The following CCDC80 variants were observed in gnomAD, a reference collection of about 807,000 sequenced individuals.
CCDC80 encodes coiled-coil domain-containing protein 80.
In CCDC80, 49 loss-of-function variants were observed where a neutral mutation model predicts 78.7. That is an observed-to-expected ratio of 0.62 (90% confidence interval 0.50 to 0.79). CCDC80 has a LOEUF of 0.79. Ranked by LOEUF, CCDC80 falls within the 30% of genes least tolerant of loss-of-function variation. The pLI is 0.00. For synonymous variants in CCDC80, 488 were observed against 447.0 expected (o/e 1.09, Z -1.16); for missense variants, 1,205 against 1,198.6 (o/e 1.01, Z -0.08).
In CCDC80 at chr3:112,638,231, C is replaced by T. The variant is rs145200206; in HGVS notation, c.1675G>A (p.Ala559Thr). 5 of 1,612,524 alleles carry T rather than the reference C, an allele frequency of 3.1e-6. No individual in the cohort carries two copies. The South Asian group carries it at 3.3e-5, about 11-fold the overall frequency. ...TTTTCACTCTTAAGTAACTTGTCTG[C>T]GTTCTCATTCTTCATCTTTTTTTTC... is the stretch of plus-strand genomic sequence containing the variant. The part of the protein sequence containing the change: ...EKKKKMKNEN[A>T]DKLLKSEKQM... The change falls in exon 2 of 8, where the codon GCA (alanine) becomes ACA (threonine). Residue 559 changes from alanine (A) to threonine (T), a missense_variant. Coordinates refer to ENST00000206423, the MANE Select transcript of CCDC80 (RefSeq NM_199511.3).
chr3:112,633,697 C>T (rs1395713874), intron 2 of CCDC80, among the ~76,000 whole-genome samples: 2 of 152,176 alleles, frequency 1.3e-5, no homozygotes, highest in Non-Finnish European at 2.9e-5. Flanking sequence ...TTAATCTGCT[C>T]CTCAAGTTTG....
chr3:112,600,884 A>G lies in CCDC80; in HGVS notation c.*4533T>C, dbSNP rs566947053. On this transcript the variant is annotated 3_prime_UTR_variant, in exon 8 of 8. Coordinates refer to ENST00000206423, the MANE Select transcript of CCDC80 (RefSeq NM_199511.3). The stretch of plus-strand genomic sequence containing the variant: ...AAATTGTCATCACACAATTTCAGAA[A>G]GGTAAAGAAATCCATTTTTATTGGC... 1 of 152,288 alleles carries G rather than the reference A, an allele frequency of 6.6e-6. No homozygotes were observed. The highest frequency in any genetic ancestry group is 2.4e-5 in the African/African-American group (1 of 41,558). The allele number at this position is 152,288 out of a possible 1,614,324, so 9.4% of individuals were successfully genotyped here.
chr3:112,609,930 G>A, intron 6 of CCDC80, 48 bp downstream of exon 6: 1 of 1,301,224 alleles, frequency 7.7e-7, no homozygotes, highest in Non-Finnish European at 1.1e-6. Context: ...GAATTGACCA[G>A]GAGGAGAGTG....
chr3:112,605,528 T>C lies in CCDC80; in HGVS notation c.2742A>G (p.Pro914=). ...AACCATAGCCTGCATACTCATCTTCTGGGCAGCGCATCCCCAGTGACTGCT... is the reference window on the plus strand; with the variant it reads ...AACCATAGCCTGCATACTCATCTTCCGGGCAGCGCATCCCCAGTGACTGCT... ...AIQQSLGMRC[P]EDEYAGYGYH... is the part of the protein sequence containing the mutation. Residue 914 remains proline (P), a synonymous_variant, in exon 8 of 8, where the codon CCA becomes CCG. Coordinates refer to ENST00000206423, the MANE Select transcript of CCDC80 (RefSeq NM_199511.3). 1 of 1,614,214 alleles carries C rather than the reference T, an allele frequency of 6.2e-7. No homozygotes were observed. The highest frequency in any genetic ancestry group is 8.5e-7 in the Non-Finnish European group (1 of 1,180,038).
Position 112,597,842 on chromosome 3 carries a change from A to T in CCDC80, c.*7575T>A, listed in dbSNP as rs756971322. On this transcript the variant is annotated 3_prime_UTR_variant, in exon 8 of 8. Coordinates refer to ENST00000206423, the MANE Select transcript of CCDC80 (RefSeq NM_199511.3). The stretch of plus-strand genomic sequence containing the variant: ...CCCCCATAAAAACCCATAATTGATG[A>T]TACATATTAGTTTATAATTAACGGC... 2 of 152,180 alleles carry T rather than the reference A, an allele frequency of 1.3e-5. No individual in the cohort carries two copies. Among genetic ancestry groups the T allele is most frequent in the African/African-American group, 4.8e-5 (2 of 41,424 alleles). 9.4% of individuals were successfully genotyped at this position (152,180 alleles called of 1,614,324 possible). A position where few individuals can be genotyped will look rare whatever the true frequency, so the allele number is the denominator to read the frequency against.
chr3:112,620,182 A>T (rs1576786738), intron 3 of CCDC80, among the ~76,000 whole-genome samples: 2 of 152,366 alleles, frequency 1.3e-5, no homozygotes, highest in Non-Finnish European at 2.9e-5. Context: ...ATTAATAAAA[A>T]GGGGATGATT....
chr3:112,609,987 A>G lies in CCDC80; in HGVS notation c.2416T>C (p.Cys806Arg), dbSNP rs1374818671. ...QQLSALSGQA[C>R]NFGLRHITIL... is the part of the protein sequence containing the mutation. ...GTGGCTTCCCACTCACCAAAATTGCACGCCTGACCACTGAGGGCAGAGAGC... is the reference window on the plus strand; with the variant it reads ...GTGGCTTCCCACTCACCAAAATTGCGCGCCTGACCACTGAGGGCAGAGAGC... The change falls in exon 6 of 8, where the codon TGC (cysteine) becomes CGC (arginine). Residue 806 changes from cysteine (C) to arginine (R), a missense_variant. Coordinates refer to ENST00000206423, the MANE Select transcript of CCDC80 (RefSeq NM_199511.3). The G allele has an allele frequency of 6.2e-7, 1 of 1,612,886 alleles. No individual in the cohort carries two copies. Among genetic ancestry groups the G allele is most frequent in the East Asian group, 2.2e-5 (1 of 44,870 alleles).
chr3:112,631,897 G>A (rs916543950), intron 2 of CCDC80, among the ~76,000 whole-genome samples: 1 of 151,956 alleles, frequency 6.6e-6, no homozygotes, highest in Non-Finnish European at 1.5e-5. Context: ...GTTTTGTTTT[G>A]TTTTTCAGAT....
At chr3:112,618,286 C>G (rs903340428) in intron 4 of CCDC80, among the ~76,000 whole-genome samples, 3 of 152,082 alleles carry the variant, frequency 2.0e-5, no homozygotes, top group Non-Finnish European at 2.9e-5. Context: ...TTTGGGAGGC[C>G]GAGGCAGGCA....
chr3:112,605,261 T>G lies in CCDC80; in HGVS notation c.*156A>C. On this transcript the variant is annotated 3_prime_UTR_variant, in exon 8 of 8. Coordinates refer to ENST00000206423, the MANE Select transcript of CCDC80 (RefSeq NM_199511.3). ...GATTTGAGGTTTCAATAATAACTCA[T>G]GAATAGGTGAAAGTTTGCTATTTAT... The G allele has an allele frequency of 1.8e-6, 1 of 565,126 alleles. No individual in the cohort carries two copies. Among genetic ancestry groups the G allele is most frequent in the Admixed American group, 3.4e-5 (1 of 29,194 alleles). 35.0% of individuals were successfully genotyped at this position (565,126 alleles called of 1,614,324 possible).
rs562579296 is a variant in CCDC80 at position 112,602,059 on chromosome 3, T to C, written c.*3358A>G. On this transcript the variant is annotated 3_prime_UTR_variant, in exon 8 of 8. Coordinates refer to ENST00000206423, the MANE Select transcript of CCDC80 (RefSeq NM_199511.3). Reference sequence around the variant, plus strand: ...TCTGTTGACATCATTTTTGCAATAGTATGTACTCACTTTATGTCTCTGTGT... The same window carrying C: ...TCTGTTGACATCATTTTTGCAATAGCATGTACTCACTTTATGTCTCTGTGT... The C allele has an allele frequency of 1.9e-4, 29 of 152,328 alleles. No homozygotes were observed. Among genetic ancestry groups the C allele is most frequent in the African/African-American group, 6.7e-4 (28 of 41,580 alleles). 9.4% of individuals were successfully genotyped at this position (152,328 alleles called of 1,614,324 possible).
At chr3:112,626,626 C>T (rs140785826) in intron 3 of CCDC80, among the ~76,000 whole-genome samples, 1,828 of 152,230 alleles carry the variant, frequency 0.012, 76 homozygotes, top group East Asian at 0.079. Flanking sequence ...TGGCTCACTG[C>T]AACCTCTGCC....
chr3:112,628,200 C>T (rs1168923101), intron 3 of CCDC80, among the ~76,000 whole-genome samples: 1 of 152,150 alleles, frequency 6.6e-6, no homozygotes, highest in Non-Finnish European at 1.5e-5. Context: ...GCTCACTGCC[C>T]TCATGCTATT....
chr3:112,601,498 T>C lies in CCDC80; in HGVS notation c.*3919A>G, dbSNP rs1935373346. ...ACTTGACAATATTACTTGATAAATA[T>C]TTGTTGAAAAAAGAAATGTAGTAAA... On this transcript the variant is annotated 3_prime_UTR_variant, in exon 8 of 8. Transcript: ENST00000206423. 6.6e-6 allele frequency: 1 copy of C among 151,882 alleles called. No homozygotes were observed. The highest frequency in any genetic ancestry group is 6.6e-5 in the Admixed American group (1 of 15,244). The allele number at this position is 151,882 out of a possible 1,614,324, so 9.4% of individuals were successfully genotyped here.
intron 2 of CCDC80, among the ~76,000 whole-genome samples, chr3:112,630,990 A>G (rs551882520): frequency 1.3e-5 from 2 of 151,914 alleles, no homozygotes; most frequent in Admixed American, 1.3e-4. Context: ...TTTCATCCTC[A>G]TCCTATGACC....
chr3:112,615,981 C>T (rs752369710), intron 5 of CCDC80, among the ~76,000 whole-genome samples: 1 of 152,222 alleles, frequency 6.6e-6, no homozygotes, highest in Non-Finnish European at 1.5e-5. Flanking sequence ...CCTTTACTTT[C>T]TTAGTAAACT....
At position 112,600,102 on chromosome 3, in the gene CCDC80, C is replaced by T. The variant is rs1193833357; in HGVS notation, c.*5315G>A. On this transcript the variant is annotated 3_prime_UTR_variant, in exon 8 of 8. Transcript: ENST00000206423. ...TTTGAAACTACCTAGTTTATACTACCAGAAGACAGAGATTCAGGTTAGCTA... is the reference window on the plus strand; with the variant it reads ...TTTGAAACTACCTAGTTTATACTACTAGAAGACAGAGATTCAGGTTAGCTA... 4 of 152,148 alleles carry T rather than the reference C, an allele frequency of 2.6e-5. No homozygotes were observed. In the South Asian group the frequency reaches 8.3e-4, roughly 32 times the overall value. The allele number at this position is 152,148 out of a possible 1,614,324, so 9.4% of individuals were successfully genotyped here.
Position 112,604,325 on chromosome 3 carries a change from T to C in CCDC80, c.*1092A>G, listed in dbSNP as rs1033878140. ...AAGTCAATCGAAGTGGCAAACTTCATTGCTGTCTTATTTTAAGAAATTGCC... is the reference window on the plus strand; with the variant it reads ...AAGTCAATCGAAGTGGCAAACTTCACTGCTGTCTTATTTTAAGAAATTGCC... On this transcript the variant is annotated 3_prime_UTR_variant, in exon 8 of 8. Transcript: ENST00000206423. 6.6e-6 allele frequency: 1 copy of C among 152,210 alleles called. No homozygotes were observed. Among genetic ancestry groups the C allele is most frequent in the Non-Finnish European group, 1.5e-5 (1 of 68,036 alleles). The allele number at this position is 152,210 out of a possible 1,614,324, so 9.4% of individuals were successfully genotyped here.
intron 5 of CCDC80, 71 bp from the exon 6 acceptor site, chr3:112,610,152 A>C (rs1360981518): frequency 7.4e-7 from 1 of 1,347,488 alleles, no homozygotes; most frequent in Non-Finnish European, 1.1e-6. Flanking sequence ...AGGAAACCAG[A>C]GTGACTTAGG....
Sources: allele counts gnomAD v4.1 joint callset (sites outside exome capture counted in the v4.1 genomes callset), GRCh38; gene constraint gnomAD v4.1.1; transcripts MANE v1.5; gene names NCBI Gene and HGNC (gene_info 2026-07-23, HGNC 2026-07-21).